Variants in CCNK observed in about 807,000 individuals in gnomAD.
CCNK encodes the protein cyclin-K.
In CCNK, 9 loss-of-function variants were observed where a neutral mutation model predicts 65.0. That is an observed-to-expected ratio of 0.14 (90% confidence interval 0.08 to 0.24). The LOEUF (loss-of-function observed/expected upper bound fraction) is 0.24. Among genes scored for constraint, CCNK ranks in the 10% least tolerant of loss-of-function variants. CCNK has a pLI of 1.00. For synonymous variants in CCNK, 279 were observed against 270.8 expected, an observed-to-expected ratio of 1.03 and a Z score of -0.30; for missense variants, 474 against 720.0, an observed-to-expected ratio of 0.66 and a Z score of 3.91.
intron 1 of CCNK, among the ~76,000 whole-genome samples, chr14:99,489,000 A>G (rs1010609824): frequency 6.6e-6 from 1 of 151,452 alleles, no homozygotes; most frequent in African/African-American, 2.4e-5. Context: ...CATCCCAGGC[A>G]GGCTCCAACC....
chr14:99,503,580 G>A (rs1302090942), intron 8 of CCNK, 31 bp from the exon 9 acceptor site: 10 of 1,545,410 alleles, frequency 6.5e-6, no homozygotes, highest in Non-Finnish European at 8.8e-6. Flanking sequence ...CAGGATCCCA[G>A]TTAACAATTG....
intron 9 of CCNK, chr14:99,506,754 CA>C: frequency 2.7e-6 from 1 of 365,380 alleles, no homozygotes; most frequent in South Asian, 2.3e-5. Flanking sequence ...ATAGGTCATA[CA>C]TGCTCATGAA....
chr14:99,508,029 C>T (rs1897018899), intron 10 of CCNK: 1 of 152,262 alleles, frequency 6.6e-6, no homozygotes, highest in Admixed American at 6.5e-5. Flanking sequence ...GGCTTCCAAG[C>T]CTCTGTCAGC....
intron 9 of CCNK, chr14:99,504,502 G>A (rs1896923886): frequency 6.7e-6 from 1 of 149,774 alleles, no homozygotes; most frequent in African/African-American, 2.5e-5. Flanking sequence ...CCAGGCTGGA[G>A]TGCAGCGGTG....
rs147439837 is a variant in CCNK at position 99,495,842 on chromosome 14, G to A, written c.411+213G>A. On this transcript the variant is annotated intron_variant, in intron 4 of 10. Transcript: ENST00000389879. ...TCAGTGCTTCCTTATGTGCCCAGCA[G>A]TATTCTAAGTACTTTGGGGCAGTGG... Among the ~76,000 whole-genome samples the A allele has an allele frequency of 9.6e-4, 146 of 152,292 alleles. 1 individual carries two copies. Among genetic ancestry groups the A allele is most frequent in the African/African-American group, 3.4e-3 (140 of 41,560 alleles).
intron 2 of CCNK, 129 bp downstream of exon 2, chr14:99,493,003 A>C: frequency 1.2e-6 from 1 of 813,628 alleles, no homozygotes; most frequent in Non-Finnish European, 1.8e-6. Flanking sequence ...ATCTGTTTGA[A>C]TGTTGTTTCT....
chr14:99,502,179 C>G (rs752115450), intron 6 of CCNK, 28 bp from the exon 7 acceptor site: 2 of 1,547,754 alleles, frequency 1.3e-6, no homozygotes, highest in Admixed American at 2.0e-5. Context: ...ATCATATTAT[C>G]TAACCTTTTT....
At chr14:99,493,391 C>T (rs1896634910) in intron 2 of CCNK, 123 bp from the exon 3 acceptor site, 1 of 562,714 alleles carries the variant, frequency 1.8e-6, no homozygotes, top group East Asian at 2.8e-5. Flanking sequence ...CATTACTTTG[C>T]CACTAATATT....
At position 99,481,463 on chromosome 14, in the gene CCNK, C is replaced by G. The variant is rs1884042749; in HGVS notation, c.-69C>G. 1 of 398,586 alleles carries G rather than the reference C, an allele frequency of 2.5e-6. No homozygotes were observed. Among genetic ancestry groups the G allele is most frequent in the Non-Finnish European group, 4.4e-6 (1 of 226,104 alleles). 24.7% of individuals were successfully genotyped at this position (398,586 alleles called of 1,614,324 possible). ...GGCAAGGAGAGACGTCGCTGAGGGG[C>G]TTGCCTGAAGCGAGGGGTGAGTGAC... On this transcript the variant is annotated 5_prime_UTR_variant, in exon 1 of 11. Coordinates refer to ENST00000389879, the MANE Select transcript of CCNK (RefSeq NM_001099402.2).
Position 99,492,884 on chromosome 14 carries a change from C to G in CCNK, c.197+10C>G. The G allele has an allele frequency of 1.3e-6, 2 of 1,569,412 alleles. No individual in the cohort carries two copies. Among genetic ancestry groups the G allele is most frequent in the Admixed American group, 2.2e-5 (1 of 45,590 alleles). On this transcript the variant is annotated intron_variant, in intron 2 of 10. Coordinates refer to ENST00000389879, the MANE Select transcript of CCNK (RefSeq NM_001099402.2). ...GCACACGTTTGGGGCTGTATCCTGA[C>G]TCTCCTTGGAATCTGTTACAGATAG...
chr14:99,507,359 C>T lies in CCNK; in HGVS notation c.1117+212C>T. 5.4e-6 allele frequency: 3 copies of T among 559,196 alleles called. No individual in the cohort carries two copies. In the Admixed American group the frequency reaches 9.1e-5, roughly 17 times the overall value. The allele number at this position is 559,196 out of a possible 1,614,324, so 34.6% of individuals were successfully genotyped here. A position where few individuals can be genotyped will look rare whatever the true frequency, so the allele number is the denominator to read the frequency against. ...TGGGAGGCGGAGGCAGGAGAATCACCTGACCCCAGGAGTTCGAGGTCAGCC... is the reference window on the plus strand; with the variant it reads ...TGGGAGGCGGAGGCAGGAGAATCACTTGACCCCAGGAGTTCGAGGTCAGCC... On this transcript the variant is annotated intron_variant, in intron 10 of 10. Transcript: ENST00000389879.
At chr14:99,486,472 C>T (rs1896488501) in intron 1 of CCNK, among the ~76,000 whole-genome samples, 1 of 152,192 alleles carries the variant, frequency 6.6e-6, no homozygotes, top group African/African-American at 2.4e-5. Flanking sequence ...TAGTTATCAC[C>T]TCTGTGTAGA....
intron 8 of CCNK, 127 bp from the exon 9 acceptor site, chr14:99,503,484 A>C: frequency 5.4e-6 from 4 of 735,534 alleles, no homozygotes; most frequent in Non-Finnish European, 9.2e-6. Context: ...TCAGGCTAGA[A>C]ATAATTTTTG....
At chr14:99,504,122 C>A in intron 9 of CCNK, 1 of 338,528 alleles carries the variant, frequency 3.0e-6, no homozygotes, top group Non-Finnish European at 5.9e-6. Flanking sequence ...TGTCACATGT[C>A]TAGAACCCAA....
At position 99,510,675 on chromosome 14, in the gene CCNK, C is replaced by G; in HGVS notation, c.1636C>G (p.Pro546Ala). 1 of 1,420,670 alleles carries G rather than the reference C, an allele frequency of 7.0e-7. No individual in the cohort carries two copies. The highest frequency in any genetic ancestry group is 9.2e-7 in the Non-Finnish European group (1 of 1,087,326). 88.0% of individuals were successfully genotyped at this position (1,420,670 alleles called of 1,614,324 possible). ...PGLGLPPASY[P>A]PPAVPPGGQP... The stretch of plus-strand genomic sequence containing the variant: ...GTTGGGCCTGCCGCCAGCCAGCTAC[C>G]CACCTCCTGCCGTCCCCCCTGGAGG... Residue 546 changes from proline (P) to alanine (A), a missense_variant, in exon 11 of 11, where the codon CCA (proline) becomes GCA (alanine). Coordinates refer to ENST00000389879, the MANE Select transcript of CCNK (RefSeq NM_001099402.2).
Position 99,510,271 on chromosome 14 carries a change from A to G in CCNK, c.1232A>G (p.His411Arg), listed in dbSNP as rs900838475. ...IPPPAHPAPV[H>R]QPPPLPHRPP... ...CCTCCGGCCCACCCGGCCCCTGTGC[A>G]CCAGCCACCGCCGCTGCCACACCGG... The change falls in exon 11 of 11, where the codon CAC (histidine) becomes CGC (arginine). Residue 411 changes from histidine to arginine, a missense_variant. His to Arg is a conservative substitution (Grantham distance 29). Transcript: ENST00000389879. 9 of 943,896 alleles carry G rather than the reference A, an allele frequency of 9.5e-6. No homozygotes were observed. The highest frequency in any genetic ancestry group is 1.3e-5 in the Non-Finnish European group (9 of 698,418). 58.5% of individuals were successfully genotyped at this position (943,896 alleles called of 1,614,324 possible).
intron 5 of CCNK, 51 bp from the exon 6 acceptor site, chr14:99,501,305 C>A: frequency 8.7e-7 from 1 of 1,149,070 alleles, no homozygotes; most frequent in Non-Finnish European, 1.3e-6. Context: ...CTTGATGCTG[C>A]CTGTGAATTT....
In CCNK at chr14:99,503,090, G is replaced by T. The variant is rs145203611; in HGVS notation, c.1011+106G>T. ...CGAGCACAGGGAACACCGGAAGCAG[G>T]GGGTGTTCGCCGAAACTCGCAGTCC... On this transcript the variant is annotated intron_variant, in intron 8 of 10. Transcript: ENST00000389879. The T allele has an allele frequency of 7.8e-5, 103 of 1,315,648 alleles. No homozygotes were observed. In the East Asian group the frequency reaches 2.3e-3, roughly 30 times the overall value. The allele number at this position is 1,315,648 out of a possible 1,614,324, so 81.5% of individuals were successfully genotyped here.
chr14:99,495,485 G>A lies in CCNK; in HGVS notation c.280-13G>A. The A allele has an allele frequency of 6.3e-7, 1 of 1,595,686 alleles. No individual in the cohort carries two copies. Among genetic ancestry groups the A allele is most frequent in the Non-Finnish European group, 8.5e-7 (1 of 1,174,608 alleles). On this transcript the variant is annotated splice_polypyrimidine_tract_variant and intron_variant, in intron 3 of 10. Coordinates refer to ENST00000389879, the MANE Select transcript of CCNK (RefSeq NM_001099402.2). ...TTGATAACAAAAATCAAGAACTTTT[G>A]TTTCCCTTTTAGGTGACAGGAGCCT...
Sources: allele counts gnomAD v4.1 joint callset (sites outside exome capture counted in the v4.1 genomes callset), GRCh38; gene constraint gnomAD v4.1.1; transcripts MANE v1.5; gene names NCBI Gene and HGNC (gene_info 2026-07-23, HGNC 2026-07-21).